Variants in HERC5 observed in about 807,000 individuals in gnomAD.
HERC5 encodes the protein E3 ISG15--protein ligase HERC5.
HERC5 carries 99 observed loss-of-function variants against 119.6 expected under a neutral mutation model. That is an observed-to-expected ratio of 0.83 (90% CI 0.70 to 0.98). The LOEUF (loss-of-function observed/expected upper bound fraction) is 0.98. HERC5 is among the 50% of genes least tolerant of loss of function. The pLI is 0.00. For synonymous variants in HERC5, 478 were observed against 445.9 expected (o/e 1.07, Z -0.91); for missense variants, 1,267 against 1,241.3 (o/e 1.02, Z -0.31).
At chr4:88,464,255 G>A (rs1184582454) in intron 6 of HERC5, among the ~76,000 whole-genome samples, 6 of 143,666 alleles carry the variant, frequency 4.2e-5, no homozygotes, top group African/African-American at 1.5e-4. Context: ...AACTATTCAG[G>A]TGCACTTTTG....
intron 10 of HERC5, among the ~76,000 whole-genome samples, 157 bp from the exon 11 acceptor site, chr4:88,472,230 TATTTTTTGGTATTTTAGAAAAA>T (rs2149093224): frequency 6.6e-6 from 1 of 152,322 alleles, no homozygotes; most frequent in East Asian, 1.9e-4. Context: ...GCAGCCTTGA[TATTTTTTGGTATTTTAGAAAAA>T]ATCATGTTTA....
intron 18 of HERC5, among the ~76,000 whole-genome samples, chr4:88,499,321 T>G (rs2149108654): frequency 6.6e-6 from 1 of 152,304 alleles, no homozygotes; most frequent in South Asian, 2.1e-4. Context: ...GCAAATACAA[T>G]GAGATGTGTT....
chr4:88,494,621 T>C (rs529450863), intron 18 of HERC5, among the ~76,000 whole-genome samples: 77 of 152,316 alleles, frequency 5.1e-4, no homozygotes, highest in African/African-American at 1.8e-3. Flanking sequence ...AATCTGCTAG[T>C]GATATTTATG....
At chr4:88,496,338 T>C (rs1741794424) in intron 18 of HERC5, among the ~76,000 whole-genome samples, 1 of 152,198 alleles carries the variant, frequency 6.6e-6, no homozygotes, top group Non-Finnish European at 1.5e-5. Flanking sequence ...GGGTCAAGAA[T>C]AGCCAGAAAT....
intron 11 of HERC5, chr4:88,473,482 T>C (rs1740947027): frequency 6.6e-6 from 1 of 152,186 alleles, no homozygotes; most frequent in Admixed American, 6.5e-5. Flanking sequence ...TCTCATTCGC[T>C]CCTTTCTTTC....
chr4:88,463,824 T>G, intron 5 of HERC5, 31 bp from the exon 6 acceptor site: 1 of 1,608,610 alleles, frequency 6.2e-7, no homozygotes, highest in Non-Finnish European at 8.5e-7. Flanking sequence ...TTTATTTTTC[T>G]AGCATCTGAT....
chr4:88,481,282 A>G (rs929816087), intron 13 of HERC5, among the ~76,000 whole-genome samples: 2 of 152,166 alleles, frequency 1.3e-5, no homozygotes, highest in Non-Finnish European at 2.9e-5. Flanking sequence ...CGAACTCCTG[A>G]GCTCAAATGA....
At chr4:88,467,295 A>G (rs544753299) in intron 7 of HERC5, 91 bp downstream of exon 7, 12 of 1,294,572 alleles carry the variant, frequency 9.3e-6, no homozygotes, top group Non-Finnish European at 1.2e-5. Flanking sequence ...AAAGCAACAT[A>G]TGACTATGAA....
At chr4:88,485,613 CATT>C (rs943497202) in intron 13 of HERC5, among the ~76,000 whole-genome samples, 4 of 152,138 alleles carry the variant, frequency 2.6e-5, no homozygotes, top group Non-Finnish European at 4.4e-5. Flanking sequence ...TGTCTAGTGT[CATT>C]ATTATTCATT....
In HERC5 at chr4:88,494,145, A is replaced by ATTTTTTT; in HGVS notation, c.2278-17_2278-11dup. 6.5e-7 allele frequency: 1 copy of ATTTTTTT among 1,528,046 alleles called. No homozygotes were observed. The highest frequency in any genetic ancestry group is 9.0e-7 in the Non-Finnish European group (1 of 1,117,066). 94.7% of individuals were successfully genotyped at this position (1,528,046 alleles called of 1,614,324 possible). On this transcript the variant is annotated intron_variant, in intron 17 of 22. Transcript: ENST00000264350. ...TGGTAAAAACTCATAATACTTTAAG[A>ATTTTTTT]TTTTTTTTTCGCTTTTCAGCCTAAA...
chr4:88,485,852 A>G (rs1293343260), intron 13 of HERC5, among the ~76,000 whole-genome samples: 1 of 151,208 alleles, frequency 6.6e-6, no homozygotes, highest in Non-Finnish European at 1.5e-5. Context: ...TTTTCTTCCT[A>G]TTGAAAGTTC....
At chr4:88,499,247 T>A (rs1000189812) in intron 18 of HERC5, among the ~76,000 whole-genome samples, 1 of 152,180 alleles carries the variant, frequency 6.6e-6, no homozygotes, top group Non-Finnish European at 1.5e-5. Context: ...CAACTTTACA[T>A]CCCCTATGCC....
At chr4:88,474,621 T>C (rs1293287191) in intron 11 of HERC5, among the ~76,000 whole-genome samples, 1 of 152,212 alleles carries the variant, frequency 6.6e-6, no homozygotes, top group African/African-American at 2.4e-5. Flanking sequence ...AATTCGTACA[T>C]TTACAGATAT....
intron 16 of HERC5, among the ~76,000 whole-genome samples, chr4:88,492,295 C>T (rs575279747): frequency 4.6e-5 from 7 of 152,012 alleles, no homozygotes; most frequent in Admixed American, 2.6e-4. Flanking sequence ...TGAGCCACCA[C>T]GCCCGGCCAA....
chr4:88,462,032 C>G, intron 3 of HERC5, 103 bp from the exon 4 acceptor site: 1 of 944,902 alleles, frequency 1.1e-6, no homozygotes, highest in Non-Finnish European at 1.6e-6. Flanking sequence ...TGCAAAGGTA[C>G]AATATTGTGA....
chr4:88,480,556 A>ACCTAG (rs1363501392), intron 13 of HERC5, among the ~76,000 whole-genome samples: 1 of 151,740 alleles, frequency 6.6e-6, no homozygotes, highest in Non-Finnish European at 1.5e-5. Flanking sequence ...TGGGTTTCAT[A>ACCTAG]CCTAATTCTA....
Position 88,459,483 on chromosome 4 carries a change from TTTC to T in HERC5, c.389+16_389+18del. 1 of 1,476,926 alleles carries T rather than the reference TTTC, an allele frequency of 6.8e-7. No homozygotes were observed. Among genetic ancestry groups the T allele is most frequent in the Non-Finnish European group, 9.1e-7 (1 of 1,099,908 alleles). The allele number at this position is 1,476,926 out of a possible 1,614,324, so 91.5% of individuals were successfully genotyped here. A position where few individuals can be genotyped will look rare whatever the true frequency, so the allele number is the denominator to read the frequency against. On this transcript the variant is annotated intron_variant, in intron 2 of 22. Coordinates refer to ENST00000264350, the MANE Select transcript of HERC5 (RefSeq NM_016323.4). Reference sequence around the variant, plus strand: ...TGAAACATCTAAGGTAGGGAACTTTTTTCTTTTATTAAAAATTAATTTTAATCA... The same window carrying T: ...TGAAACATCTAAGGTAGGGAACTTTTTTTTATTAAAAATTAATTTTAATCA...
intron 18 of HERC5, 22 bp downstream of exon 18, chr4:88,494,353 G>A (rs761502802): frequency 1.3e-6 from 2 of 1,598,356 alleles, no homozygotes; most frequent in Non-Finnish European, 1.7e-6. Flanking sequence ...GAGTTCCTGA[G>A]AAAGGACCCT....
chr4:88,478,003 T>C (rs1187608958), intron 12 of HERC5, among the ~76,000 whole-genome samples: 1 of 152,266 alleles, frequency 6.6e-6, no homozygotes, highest in Non-Finnish European at 1.5e-5. Flanking sequence ...ACAAAGAATG[T>C]GATTAATTTT....
Sources: allele counts gnomAD v4.1 joint callset (sites outside exome capture counted in the v4.1 genomes callset), GRCh38; gene constraint gnomAD v4.1.1; transcripts MANE v1.5; gene names NCBI Gene and HGNC (gene_info 2026-07-23, HGNC 2026-07-21).